Variants in SUGCT observed in about 807,000 individuals in gnomAD.
SUGCT encodes the protein succinyl-CoA:glutarate-CoA transferase.
A neutral mutation model predicts 55.0 loss-of-function variants in SUGCT; 41 were observed. That is an observed-to-expected ratio of 0.74 (90% CI 0.58 to 0.97). SUGCT has a LOEUF of 0.97. Among genes scored for constraint, SUGCT ranks in the 50% least tolerant of loss-of-function variants. The probability of loss-of-function intolerance (pLI) is 0.00; values close to 1 mark genes in which losing one functional copy is unlikely to be tolerated. For missense variants in SUGCT, 568 were observed against 547.8 expected (o/e 1.04, Z -0.37); for synonymous variants, 187 against 200.4 (o/e 0.93, Z 0.56).
chr7:40,214,005 A>G (rs533994854), intron 6 of SUGCT, among the ~76,000 whole-genome samples: 2 of 152,214 alleles, frequency 1.3e-5, no homozygotes, highest in East Asian at 3.9e-4. Flanking sequence ...AGGTAGATAG[A>G]TATTATTATC....
the SUGCT span, among the ~76,000 whole-genome samples, chr7:41,037,110 T>C: frequency 2.6e-5 from 4 of 152,206 alleles, no homozygotes; most frequent in Admixed American, 2.6e-4. Context: ...CCTGTGCATG[T>C]GTGGATGAAA....
At chr7:40,249,189 A>G (rs1790136298) in intron 7 of SUGCT, among the ~76,000 whole-genome samples, 1 of 150,744 alleles carries the variant, frequency 6.6e-6, no homozygotes, top group South Asian at 2.1e-4. Flanking sequence ...CTACTCAGGC[A>G]GCTGAGGTGG....
intron 7 of SUGCT, among the ~76,000 whole-genome samples, chr7:40,252,744 C>A (rs1203555539): frequency 1.3e-5 from 2 of 152,062 alleles, no homozygotes; most frequent in Non-Finnish European, 2.9e-5. Context: ...AACTCCTGGG[C>A]TCAAAGGATC....
the SUGCT span, among the ~76,000 whole-genome samples, chr7:40,870,383 C>T: frequency 6.6e-6 from 1 of 152,118 alleles, no homozygotes; most frequent in East Asian, 1.9e-4. Context: ...TTTCTTCCTC[C>T]TCCTTTACAT....
chr7:40,585,424 A>G (rs1403123371), intron 12 of SUGCT, among the ~76,000 whole-genome samples: 1 of 152,198 alleles, frequency 6.6e-6, no homozygotes, highest in Non-Finnish European at 1.5e-5. Context: ...GGACTTTAAA[A>G]GCTTACTTTT....
At chr7:40,734,685 A>G (rs1191799769) in intron 12 of SUGCT, among the ~76,000 whole-genome samples, 1 of 151,916 alleles carries the variant, frequency 6.6e-6, no homozygotes, top group East Asian at 1.9e-4. Context: ...CCAATTGACT[A>G]TTTTTCCTCC....
chr7:40,314,170 G>C (rs1421238169), intron 8 of SUGCT, among the ~76,000 whole-genome samples: 3 of 152,160 alleles, frequency 2.0e-5, no homozygotes, highest in African/African-American at 7.2e-5. Flanking sequence ...CTGATATCCA[G>C]CCAGGAATCC....
intron 11 of SUGCT, among the ~76,000 whole-genome samples, chr7:40,481,737 A>T (rs1016511731): frequency 6.6e-6 from 1 of 152,176 alleles, no homozygotes; most frequent in African/African-American, 2.4e-5. Context: ...GAAAATAATC[A>T]AATCAATGAT....
chr7:40,662,330 G>C (rs897842823), intron 12 of SUGCT, among the ~76,000 whole-genome samples: 1 of 152,160 alleles, frequency 6.6e-6, no homozygotes, highest in African/African-American at 2.4e-5. Context: ...CACATCCTCT[G>C]TTCTCCTCCT....
At chr7:40,999,369 C>T in the SUGCT span, among the ~76,000 whole-genome samples, 5 of 152,076 alleles carry the variant, frequency 3.3e-5, no homozygotes, top group East Asian at 3.9e-4. Context: ...CCTGGTACAT[C>T]GATGGACAAA....
intron 13 of SUGCT, among the ~76,000 whole-genome samples, chr7:40,847,408 T>TCTC (rs1432214459): frequency 0.019 from 1,900 of 99,914 alleles, 23 homozygotes; most frequent in Non-Finnish European, 0.033. Context: ...CTTTTCTTTC[T>TCTC]TTCTTTTTTT....
chr7:40,884,275 A>AT, the SUGCT span, among the ~76,000 whole-genome samples: 4 of 152,334 alleles, frequency 2.6e-5, no homozygotes, highest in East Asian at 7.7e-4. Context: ...CCTTCAGCAG[A>AT]CTGTCTCCCT....
chr7:40,208,744 C>T (rs1303908847), intron 6 of SUGCT, among the ~76,000 whole-genome samples: 1 of 151,920 alleles, frequency 6.6e-6, no homozygotes, highest in African/African-American at 2.4e-5. Context: ...GGGGTTTCAC[C>T]GTGTTGCCCA....
chr7:40,519,739 C>A (rs1173108279), intron 12 of SUGCT, among the ~76,000 whole-genome samples: 1 of 151,884 alleles, frequency 6.6e-6, no homozygotes, highest in African/African-American at 2.4e-5. Flanking sequence ...CAATTACAAA[C>A]AAAGAAATCT....
chr7:40,142,050 C>A (rs1788014477), intron 1 of SUGCT, among the ~76,000 whole-genome samples: 1 of 151,946 alleles, frequency 6.6e-6, no homozygotes, highest in South Asian at 2.1e-4. Flanking sequence ...ATGGTTATGG[C>A]AGAGCAGGAA....
chr7:40,723,811 A>G (rs1786472086), intron 12 of SUGCT, among the ~76,000 whole-genome samples: 1 of 152,190 alleles, frequency 6.6e-6, no homozygotes, highest in Non-Finnish European at 1.5e-5. Context: ...ACCACTATAC[A>G]TCATAATTGT....
intron 9 of SUGCT, among the ~76,000 whole-genome samples, chr7:40,366,215 A>G (rs1783951961): frequency 1.3e-5 from 2 of 152,178 alleles, no homozygotes; most frequent in African/African-American, 4.8e-5. Flanking sequence ...AGCCATATGT[A>G]GAAAGCTGAA....
chr7:40,558,431 A>G lies in SUGCT; in HGVS notation c.1089+62045A>G, dbSNP rs118088407. Among the ~76,000 whole-genome samples, 20 of 152,358 alleles carry G rather than the reference A, an allele frequency of 1.3e-4. No individual in the cohort carries two copies. In the East Asian group the frequency reaches 3.9e-3, roughly 29 times the overall value. On this transcript the variant is annotated intron_variant, in intron 12 of 13. Transcript: ENST00000335693. ...ATACAATGGAATATTAGTTATAAAA[A>G]AGGAATGGAATTCTGATATATTTTG...
At chr7:40,920,134 A>T in the SUGCT span, among the ~76,000 whole-genome samples, 1 of 152,098 alleles carries the variant, frequency 6.6e-6, no homozygotes, top group African/African-American at 2.4e-5. Flanking sequence ...AGTCCCCTAT[A>T]CATTCCAGAA....
Sources: allele counts gnomAD v4.1 joint callset (sites outside exome capture counted in the v4.1 genomes callset), GRCh38; gene constraint gnomAD v4.1.1; transcripts MANE v1.5; gene names NCBI Gene and HGNC (gene_info 2026-07-23, HGNC 2026-07-21).